The following AFG2A variants were observed in gnomAD, a reference collection of about 807,000 sequenced individuals.
AFG2A encodes the protein AAA ATPase AFG2A, also known as ATPase family gene 2 protein homolog A.
the AFG2A span, among the ~76,000 whole-genome samples, chr4:123,141,719 A>G: frequency 2.6e-5 from 4 of 152,300 alleles, no homozygotes; most frequent in East Asian, 1.9e-4. Flanking sequence ...AGAAACGTCT[A>G]TGCAAGTTTT....
At chr4:122,944,092 G>C in the AFG2A span, among the ~76,000 whole-genome samples, 1 of 152,094 alleles carries the variant, frequency 6.6e-6, no homozygotes. Context: ...TTTAACTTTG[G>C]TGAATCTGAC....
the AFG2A span, among the ~76,000 whole-genome samples, chr4:123,253,821 A>T: frequency 6.6e-6 from 1 of 152,152 alleles, no homozygotes; most frequent in Non-Finnish European, 1.5e-5. Context: ...TCTATTTTAT[A>T]TTCCCATTAA....
the AFG2A span, among the ~76,000 whole-genome samples, chr4:123,011,778 G>A: frequency 6.6e-6 from 1 of 152,262 alleles, no homozygotes; most frequent in East Asian, 1.9e-4. Context: ...ATGGAGGGTG[G>A]AAGGTTGCCT....
chr4:123,105,076 G>T, the AFG2A span, among the ~76,000 whole-genome samples: 2 of 152,172 alleles, frequency 1.3e-5, no homozygotes, highest in African/African-American at 2.4e-5. Context: ...AGAAATTAAT[G>T]CCTGGCTTCA....
chr4:123,295,434 C>T, the AFG2A span, among the ~76,000 whole-genome samples: 107 of 152,300 alleles, frequency 7.0e-4, no homozygotes, highest in Non-Finnish European at 1.2e-3. Context: ...GAAAAGGGAA[C>T]AAAAGACTGA....
the AFG2A span, among the ~76,000 whole-genome samples, chr4:123,311,459 C>G: frequency 6.6e-6 from 1 of 151,932 alleles, no homozygotes; most frequent in Non-Finnish European, 1.5e-5. Flanking sequence ...AACCCCATCT[C>G]TACTAAAAAT....
At chr4:123,117,930 A>G in the AFG2A span, among the ~76,000 whole-genome samples, 7,465 of 152,052 alleles carry the variant, frequency 0.049, 470 homozygotes, top group African/African-American at 0.15. Context: ...ACAAGAAATT[A>G]GATCTCAGAT....
chr4:123,100,247 A>G, the AFG2A span, among the ~76,000 whole-genome samples: 111,811 of 151,574 alleles, frequency 0.74, 41,792 homozygotes, highest in East Asian at 0.97. Context: ...CAGACTATTA[A>G]GAAGTTCTTT....
chr4:123,292,747 C>T, the AFG2A span, among the ~76,000 whole-genome samples: 1 of 152,078 alleles, frequency 6.6e-6, no homozygotes, highest in African/African-American at 2.4e-5. Context: ...GGCAGAGGTC[C>T]CATGAAGCTT....
chr4:122,927,500 C>A, the AFG2A span: 1 of 793,310 alleles, frequency 1.3e-6, no homozygotes, highest in Non-Finnish European at 1.9e-6. Context: ...AAAGTTGGAA[C>A]ACTAGTTTCT....
the AFG2A span, among the ~76,000 whole-genome samples, chr4:123,157,172 C>A: frequency 6.6e-5 from 10 of 151,728 alleles, no homozygotes; most frequent in African/African-American, 2.4e-4. Context: ...CCTGCCACCA[C>A]GCCCAGCTAA....
the AFG2A span, among the ~76,000 whole-genome samples, chr4:123,034,523 A>G: frequency 2.8e-4 from 42 of 151,368 alleles, no homozygotes; most frequent in South Asian, 6.6e-3. Flanking sequence ...CCAAGGAAGC[A>G]TGATAGCTAA....
At chr4:122,935,843 A>C in the AFG2A span, 4 of 1,604,884 alleles carry the variant, frequency 2.5e-6, no homozygotes, top group African/African-American at 5.4e-5. Flanking sequence ...ATTATAAGCA[A>C]GTAAGTACAT....
the AFG2A span, among the ~76,000 whole-genome samples, chr4:123,132,548 A>G: frequency 6.7e-6 from 1 of 150,058 alleles, no homozygotes; most frequent in African/African-American, 2.4e-5. Context: ...TATGGAAACA[A>G]CCAGTGTTCA....
At chr4:123,064,807 A>G in the AFG2A span, among the ~76,000 whole-genome samples, 4 of 152,202 alleles carry the variant, frequency 2.6e-5, no homozygotes, top group African/African-American at 9.6e-5. Flanking sequence ...ATTTGGAACT[A>G]GGAACATATT....
chr4:123,232,245 G>A, the AFG2A span, among the ~76,000 whole-genome samples: 11 of 151,926 alleles, frequency 7.2e-5, no homozygotes, highest in African/African-American at 2.7e-4. Flanking sequence ...GAACAGTGAA[G>A]ACGAAGAAAA....
At chr4:123,116,563 A>G in the AFG2A span, among the ~76,000 whole-genome samples, 1 of 152,218 alleles carries the variant, frequency 6.6e-6, no homozygotes, top group African/African-American at 2.4e-5. Flanking sequence ...AGCCCAAGTA[A>G]TGCTGAGATT....
the AFG2A span, among the ~76,000 whole-genome samples, chr4:123,046,702 G>C: frequency 2.0e-5 from 3 of 152,034 alleles, no homozygotes; most frequent in East Asian, 3.8e-4. Flanking sequence ...TGTTAACTAT[G>C]ATGTCTCTAC....
chr4:123,307,015 G>A, the AFG2A span, among the ~76,000 whole-genome samples: 5 of 152,106 alleles, frequency 3.3e-5, no homozygotes, highest in East Asian at 9.6e-4. Context: ...AGCGACCCAG[G>A]TTTTCTCTCT....
Sources: allele counts gnomAD v4.1 joint callset (sites outside exome capture counted in the v4.1 genomes callset), GRCh38; gene constraint gnomAD v4.1.1; transcripts MANE v1.5; gene names NCBI Gene and HGNC (gene_info 2026-07-23, HGNC 2026-07-21).